The following EEF2K variants were observed in gnomAD, a reference collection of about 807,000 sequenced individuals.
The protein encoded by EEF2K is eukaryotic elongation factor 2 kinase, also known as alternative protein EEF2K.
EEF2K carries 70 observed loss-of-function variants against 93.8 expected under a neutral mutation model. The observed-to-expected ratio is 0.75, with a 90% confidence interval of 0.62 to 0.91. EEF2K has a LOEUF of 0.91. Among genes scored for constraint, EEF2K ranks in the 40% least tolerant of loss-of-function variants. The pLI is 0.00. For missense variants in EEF2K, 935 were observed against 972.9 expected (o/e 0.96, Z 0.52); for synonymous variants, 376 against 380.8 (o/e 0.99, Z 0.15).
At chr16:22,264,289 CAAAAAAAAAAA>C (rs59993193) in intron 12 of EEF2K, among the ~76,000 whole-genome samples, 6 of 39,922 alleles carry the variant, frequency 1.5e-4, no homozygotes, top group African/African-American at 4.3e-4. Flanking sequence ...GAGACTGTCT[CAAAAAAAAAAA>C]AAAAAAAAAA....
At chr16:22,245,268 A>AAAAAT (rs539214050) in intron 3 of EEF2K, among the ~76,000 whole-genome samples, 5 of 152,278 alleles carry the variant, frequency 3.3e-5, no homozygotes, top group African/African-American at 1.2e-4. Context: ...ACTCCATGTC[A>AAAAAT]AAAATAAAAT....
chr16:22,244,870 C>T (rs1319805476), intron 3 of EEF2K, 140 bp downstream of exon 3: 20 of 825,256 alleles, frequency 2.4e-5, no homozygotes, highest in Admixed American at 1.4e-4. Flanking sequence ...CATGCTAATG[C>T]GTGCTTAAGG....
chr16:22,268,728 G>A (rs1319088204), intron 15 of EEF2K, among the ~76,000 whole-genome samples: 1 of 151,916 alleles, frequency 6.6e-6, no homozygotes, highest in African/African-American at 2.4e-5. Context: ...GATGGAGGCG[G>A]GTGGATCACC....
intron 1 of EEF2K, among the ~76,000 whole-genome samples, chr16:22,223,262 G>GTTTTTTTTTTTTTTTTTTTTGT (rs58446693): frequency 1.7e-4 from 18 of 107,474 alleles, no homozygotes; most frequent in East Asian, 5.4e-4. Flanking sequence ...GTTTTTTTCT[G>GTTTTTTTTTTTTTTTTTTTTGT]TTTTTTTTTT....
At position 22,225,791 on chromosome 16, in the gene EEF2K, C is replaced by G. The variant is rs142308079; in HGVS notation, c.62C>G (p.Ala21Gly). The change falls in exon 2 of 18, where the codon GCT becomes GGT. Residue 21 changes from alanine (A) to glycine (G), a missense_variant. Physicochemically the swap from Ala to Gly is moderately conservative, Grantham distance 60 (BLOSUM62 0). Transcript: ENST00000263026. Reference sequence around the variant, plus strand: ...GTTGATGGCGGCCAGTCCCCCCGAGCTGGCCATGATGGTGATTCTGATGGG... The same window carrying G: ...GTTGATGGCGGCCAGTCCCCCCGAGGTGGCCATGATGGTGATTCTGATGGG... ...EGVDGGQSPRAGHDGDSDGDS... is the reference protein window; with the variant it reads ...EGVDGGQSPRGGHDGDSDGDS... 4.3e-6 allele frequency: 7 copies of G among 1,614,118 alleles called. No homozygotes were observed. The African/African-American group carries it at 6.7e-5, about 15-fold the overall frequency.
In EEF2K at chr16:22,220,255, G is replaced by T. The variant is rs115551397; in HGVS notation, c.-76-5399G>T. On this transcript the variant is annotated intron_variant, in intron 1 of 17. Coordinates refer to ENST00000263026, the MANE Select transcript of EEF2K (RefSeq NM_013302.5). ...ATCAAGTGCCTGCTGTGTACAAGGCGCTGTGCCAGGCAGGGTCACAGCTGC... is the reference window on the plus strand; with the variant it reads ...ATCAAGTGCCTGCTGTGTACAAGGCTCTGTGCCAGGCAGGGTCACAGCTGC... Among the ~76,000 whole-genome samples the T allele has an allele frequency of 8.5e-5, 13 of 152,324 alleles. No individual in the cohort carries two copies. In the East Asian group the frequency reaches 2.5e-3, roughly 29 times the overall value.
At chr16:22,258,416 T>G in intron 9 of EEF2K, 78 bp from the exon 10 acceptor site, 2 of 1,474,240 alleles carry the variant, frequency 1.4e-6, no homozygotes, top group South Asian at 2.4e-5. Context: ...GTTTCAGGGT[T>G]AGAGGGAACA....
At chr16:22,259,774 G>A (rs919830593) in intron 10 of EEF2K, among the ~76,000 whole-genome samples, 2 of 151,736 alleles carry the variant, frequency 1.3e-5, no homozygotes, top group African/African-American at 2.4e-5. Flanking sequence ...GTTTTGAGAC[G>A]GAATCTCTCT....
chr16:22,255,177 C>A (rs1029089490), intron 6 of EEF2K, among the ~76,000 whole-genome samples: 1 of 152,192 alleles, frequency 6.6e-6, no homozygotes, highest in Admixed American at 6.6e-5. Context: ...AACTGAGGCA[C>A]AGAGAGGTGA....
intron 7 of EEF2K, 43 bp from the exon 8 acceptor site, chr16:22,257,210 A>G (rs1467536990): frequency 1.2e-6 from 2 of 1,613,806 alleles, no homozygotes; most frequent in Non-Finnish European, 1.7e-6. Context: ...CACAGACCTC[A>G]GCCTGTCTCT....
Position 22,276,083 on chromosome 16 carries a change from C to T in EEF2K, c.1889+2333C>T, listed in dbSNP as rs141106827. 4.6e-5 allele frequency among the ~76,000 whole-genome samples: 7 copies of T among 152,168 alleles called. No homozygotes were observed. The East Asian group carries it at 1.4e-3, about 29-fold the overall frequency. On this transcript the variant is annotated intron_variant, in intron 16 of 17. Coordinates refer to ENST00000263026, the MANE Select transcript of EEF2K (RefSeq NM_013302.5). Reference sequence around the variant, plus strand: ...CTTAAGCCTCCTGCGTAGCTGGGACCATAGGCATGTGCCACCCTACCTGGC... The same window carrying T: ...CTTAAGCCTCCTGCGTAGCTGGGACTATAGGCATGTGCCACCCTACCTGGC...
chr16:22,237,944 G>T (rs1355615333), intron 2 of EEF2K, among the ~76,000 whole-genome samples: 2 of 152,134 alleles, frequency 1.3e-5, no homozygotes, highest in Non-Finnish European at 2.9e-5. Flanking sequence ...TGGTATCATA[G>T]TGTTTGTATT....
At chr16:22,223,803 C>T (rs9929418) in intron 1 of EEF2K, among the ~76,000 whole-genome samples, 3,550 of 152,176 alleles carry the variant, frequency 0.023, 145 homozygotes, top group African/African-American at 0.08. Flanking sequence ...CTAACAGTCA[C>T]GGAGTATTTC....
chr16:22,208,394 G>A (rs2046884505), intron 1 of EEF2K, among the ~76,000 whole-genome samples: 1 of 152,086 alleles, frequency 6.6e-6, no homozygotes, highest in Non-Finnish European at 1.5e-5. Context: ...ATGTTGGCAT[G>A]AGCCTGTAAT....
Position 22,260,503 on chromosome 16 carries a change from G to A in EEF2K, c.1273G>A (p.Asp425Asn), listed in dbSNP as rs752117303. 2 of 1,614,166 alleles carry A rather than the reference G, an allele frequency of 1.2e-6. No homozygotes were observed. Among genetic ancestry groups the A allele is most frequent in the South Asian group, 1.1e-5 (1 of 91,078 alleles). Reference sequence around the variant, plus strand: ...TGACCTCGATAACATGGCATCCAGAGACCATGATCATCTAGACAACCACCG... The same window carrying A: ...TGACCTCGATAACATGGCATCCAGAAACCATGATCATCTAGACAACCACCG... ...FSDLDNMASRDHDHLDNHRES... is the reference protein window; with the variant it reads ...FSDLDNMASRNHDHLDNHRES... The change falls in exon 11 of 18, where the codon GAC becomes AAC. Residue 425 changes from aspartate (D) to asparagine (N), a missense_variant. Asp to Asn is a conservative substitution (Grantham distance 23). Coordinates refer to ENST00000263026, the MANE Select transcript of EEF2K (RefSeq NM_013302.5).
Position 22,225,714 on chromosome 16 carries a change from C to T in EEF2K, c.-16C>T, listed in dbSNP as rs1011048154. ...TGTGCCGGATACTGCTTGGGTAAAA[C>T]GGGCACCCCAGGAACATGGCAGACG... is the stretch of plus-strand genomic sequence containing the variant. On this transcript the variant is annotated 5_prime_UTR_variant, in exon 2 of 18. The change creates a new upstream start codon in the 5' untranslated region. Transcript: ENST00000263026. 4 of 1,611,652 alleles carry T rather than the reference C, an allele frequency of 2.5e-6. No homozygotes were observed. Among genetic ancestry groups the T allele is most frequent in the South Asian group, 1.1e-5 (1 of 90,774 alleles).
intron 2 of EEF2K, among the ~76,000 whole-genome samples, chr16:22,230,275 GT>G (rs2047102530): frequency 6.6e-6 from 1 of 150,860 alleles, no homozygotes; most frequent in African/African-American, 2.4e-5. Context: ...GGGCAGTGGT[GT>G]GATCCTGGCT....
intron 15 of EEF2K, among the ~76,000 whole-genome samples, chr16:22,269,406 TATAAC>T (rs2047555178): frequency 6.6e-6 from 1 of 152,036 alleles, no homozygotes; most frequent in Non-Finnish European, 1.5e-5. Flanking sequence ...CTCATCTTAA[TATAAC>T]TATTTTTTTT....
At chr16:22,259,468 C>T (rs2047441237) in intron 10 of EEF2K, among the ~76,000 whole-genome samples, 1 of 152,140 alleles carries the variant, frequency 6.6e-6, no homozygotes. Context: ...TAGTCTGGAA[C>T]AGGAGTCAAC....
Sources: gnomAD v4.1 joint callset for allele counts (sites outside exome capture counted in the v4.1 genomes callset) on GRCh38, gnomAD v4.1.1 for gene constraint, MANE v1.5 for transcripts, NCBI Gene and HGNC (gene_info 2026-07-23, HGNC 2026-07-21) for gene names.